The following NRG1 variants were observed in gnomAD, a reference collection of about 807,000 sequenced individuals.
NRG1 encodes the protein neuregulin 1, also known as pro-neuregulin-1, membrane-bound isoform.
In NRG1, 18 loss-of-function variants were observed where a neutral mutation model predicts 63.8. The ratio of observed to expected loss-of-function variants is 0.28; its 90% confidence interval spans 0.19 to 0.42. The LOEUF (loss-of-function observed/expected upper bound fraction) is 0.42. Among genes scored for constraint, NRG1 ranks in the 10% least tolerant of loss-of-function variants. The pLI is 1.00. For missense variants in NRG1, 762 were observed against 814.7 expected, an observed-to-expected ratio of 0.94 and a Z score of 0.79; for synonymous variants, 302 against 301.3, an observed-to-expected ratio of 1.00 and a Z score of -0.02.
intron 1 of NRG1, among the ~76,000 whole-genome samples, chr8:32,566,846 T>A (rs1351852843): frequency 7.3e-5 from 2 of 27,560 alleles, no homozygotes; most frequent in Admixed American, 4.9e-4. Flanking sequence ...AAGTAGCATT[T>A]TGTTTTGTTT....
At chr8:32,487,150 T>C (rs1407933348) in intron 1 of NRG1, among the ~76,000 whole-genome samples, 1 of 143,820 alleles carries the variant, frequency 7.0e-6, no homozygotes, top group Non-Finnish European at 1.5e-5. Context: ...CCACTATTGA[T>C]AAAAAAAAAA....
intron 1 of NRG1, among the ~76,000 whole-genome samples, chr8:31,891,324 A>G (rs1411680691): frequency 6.6e-6 from 1 of 152,194 alleles, no homozygotes; most frequent in African/African-American, 2.4e-5. Flanking sequence ...AAAATGAACA[A>G]AAGACACAAA....
intron 1 of NRG1, among the ~76,000 whole-genome samples, chr8:31,823,787 T>C: frequency 6.6e-6 from 1 of 152,222 alleles, no homozygotes. Flanking sequence ...ACTTATGTTA[T>C]CTTATTTAAC....
At chr8:32,611,015 A>G (rs770791437) in intron 3 of NRG1, among the ~76,000 whole-genome samples, 19 of 152,164 alleles carry the variant, frequency 1.2e-4, no homozygotes, top group Non-Finnish European at 2.4e-4. Flanking sequence ...ATTCTTAGCT[A>G]ACAAGCTTTG....
chr8:32,674,949 A>G (rs1230388148), intron 5 of NRG1, among the ~76,000 whole-genome samples: 1 of 152,156 alleles, frequency 6.6e-6, no homozygotes, highest in Non-Finnish European at 1.5e-5. Flanking sequence ...ATATCCATGG[A>G]GCAAGGATGT....
chr8:32,012,917 C>A (rs1476538836), intron 1 of NRG1, among the ~76,000 whole-genome samples: 1 of 151,954 alleles, frequency 6.6e-6, no homozygotes, highest in Non-Finnish European at 1.5e-5. Context: ...AACTTTCTCC[C>A]AACTCAGCTG....
At chr8:32,096,800 T>C (rs1403185924) in intron 1 of NRG1, among the ~76,000 whole-genome samples, 1 of 152,196 alleles carries the variant, frequency 6.6e-6, no homozygotes, top group East Asian at 1.9e-4. Context: ...TATGAAGGTT[T>C]CACATCTATG....
chr8:32,198,222 G>A (rs1843152304), intron 1 of NRG1, among the ~76,000 whole-genome samples: 1 of 152,194 alleles, frequency 6.6e-6, no homozygotes. Flanking sequence ...CTGTCCCACA[G>A]ACTGGAGTAC....
intron 5 of NRG1, among the ~76,000 whole-genome samples, chr8:32,637,737 G>A (rs750427662): frequency 1.3e-5 from 2 of 152,120 alleles, no homozygotes; most frequent in Non-Finnish European, 1.5e-5. Flanking sequence ...TTCAGGTAGC[G>A]TCTAATCTCC....
chr8:31,807,542 C>T (rs1273632255), intron 1 of NRG1, among the ~76,000 whole-genome samples: 2 of 152,104 alleles, frequency 1.3e-5, no homozygotes, highest in African/African-American at 4.8e-5. Context: ...ATTCAATGTT[C>T]TCACTCTTAA....
intron 1 of NRG1, among the ~76,000 whole-genome samples, chr8:32,585,647 T>C (rs1841480483): frequency 1.3e-5 from 2 of 152,116 alleles, no homozygotes. Flanking sequence ...GACAGCTGCA[T>C]AGTTCAAAAG....
intron 1 of NRG1, among the ~76,000 whole-genome samples, chr8:32,331,490 C>A (rs934544916): frequency 2.0e-5 from 3 of 151,910 alleles, no homozygotes; most frequent in Non-Finnish European, 4.4e-5. Context: ...GTGATCATAC[C>A]ACTGCACTCC....
At chr8:31,942,246 C>T (rs1801862329) in intron 1 of NRG1, among the ~76,000 whole-genome samples, 1 of 152,094 alleles carries the variant, frequency 6.6e-6, no homozygotes, top group African/African-American at 2.4e-5. Flanking sequence ...ATACTTACAG[C>T]CCACTGATAT....
intron 1 of NRG1, among the ~76,000 whole-genome samples, chr8:31,837,452 T>TTAC (rs1825783476): frequency 6.6e-6 from 1 of 152,096 alleles, no homozygotes; most frequent in Admixed American, 6.6e-5. Flanking sequence ...TGTGAAATAA[T>TTAC]CAAATCATGG....
At chr8:32,130,271 G>A (rs1834638157) in intron 1 of NRG1, among the ~76,000 whole-genome samples, 1 of 151,802 alleles carries the variant, frequency 6.6e-6, no homozygotes, top group Non-Finnish European at 1.5e-5. Flanking sequence ...ATGAAAAAAA[G>A]CAAATGATTG....
At chr8:32,129,544 C>G (rs1585511931) in intron 1 of NRG1, among the ~76,000 whole-genome samples, 1 of 152,064 alleles carries the variant, frequency 6.6e-6, no homozygotes, top group Middle Eastern at 3.4e-3. Context: ...CTCATCTTAA[C>G]TTGATTACAT....
intron 8 of NRG1, among the ~76,000 whole-genome samples, chr8:32,754,811 G>A (rs1829384539): frequency 6.6e-6 from 1 of 152,074 alleles, no homozygotes; most frequent in Non-Finnish European, 1.5e-5. Flanking sequence ...GGTACCAGAA[G>A]TCCATTTGAG....
chr8:31,797,419 G>A (rs577393345), intron 1 of NRG1, among the ~76,000 whole-genome samples: 1 of 152,080 alleles, frequency 6.6e-6, no homozygotes, highest in Non-Finnish European at 1.5e-5. Context: ...GCAATACCTT[G>A]TTTTTCTACT....
At chr8:31,817,532 A>C (rs2129602561) in intron 1 of NRG1, among the ~76,000 whole-genome samples, 1 of 152,326 alleles carries the variant, frequency 6.6e-6, no homozygotes, top group South Asian at 2.1e-4. Context: ...TGAATGGGGG[A>C]AACATGCTGT....
Sources: allele counts gnomAD v4.1 joint callset (sites outside exome capture counted in the v4.1 genomes callset), GRCh38; gene constraint gnomAD v4.1.1; transcripts MANE v1.5; gene names NCBI Gene and HGNC (gene_info 2026-07-23, HGNC 2026-07-21).